The following FSIP2 variants were observed in gnomAD, a reference collection of about 807,000 sequenced individuals.
The protein encoded by FSIP2 is fibrous sheath interacting protein 2.
FSIP2 carries 367 observed loss-of-function variants against 510.5 expected under a neutral mutation model. That is an observed-to-expected ratio of 0.72 (90% CI 0.66 to 0.78). The LOEUF (loss-of-function observed/expected upper bound fraction) is 0.78. Ranked by LOEUF, FSIP2 falls within the 30% of genes least tolerant of loss-of-function variation. The pLI is 0.00. For synonymous variants in FSIP2, 2,601 were observed against 2,732.2 expected (o/e 0.95, Z 1.50); for missense variants, 7,594 against 7,901.7 (o/e 0.96, Z 1.48).
rs1243300979 is a variant in FSIP2, at chr2:185,803,705, A to G, written c.14399A>G (p.Gln4800Arg). 13 of 1,532,870 alleles carry G rather than the reference A, an allele frequency of 8.5e-6. No individual in the cohort carries two copies. The highest frequency in any genetic ancestry group is 1.0e-5 in the Non-Finnish European group (12 of 1,144,714). 95.0% of individuals were successfully genotyped at this position (1,532,870 alleles called of 1,614,324 possible). A position where few individuals can be genotyped will look rare whatever the true frequency, so the allele number is the denominator to read the frequency against. Reference protein sequence around the residue: ...SHSHLEKIVTQLTSQISPLNT... With the variant: ...SHSHLEKIVTRLTSQISPLNT... ...AGTCATTTGGAAAAAATAGTTACTC[A>G]GCTTACATCTCAGATAAGTCCATTG... The change falls in exon 17 of 23, where the codon CAG (glutamine) becomes CGG (arginine). Residue 4800 changes from glutamine (Q) to arginine (R), a missense_variant. Physicochemically the swap from Gln to Arg is conservative, Grantham distance 43. Coordinates refer to ENST00000424728, the MANE Select transcript of FSIP2 (RefSeq NM_173651.4).
intron 14 of FSIP2, among the ~76,000 whole-genome samples, chr2:185,785,594 G>C (rs969445939): frequency 6.6e-6 from 1 of 151,936 alleles, no homozygotes; most frequent in Admixed American, 6.6e-5. Context: ...TTATTTTTAT[G>C]ATTGAGCTAT....
rs201481117 is a variant in FSIP2, at chr2:185,799,957, A to G, written c.10651A>G (p.Ile3551Val). The change falls in exon 17 of 23, where the codon ATT becomes GTT. Residue 3551 changes from isoleucine (I) to valine (V), a missense_variant. Ile to Val is a conservative substitution (Grantham distance 29, BLOSUM62 3). Coordinates refer to ENST00000424728, the MANE Select transcript of FSIP2 (RefSeq NM_173651.4). Reference sequence around the variant, plus strand: ...TTCTCAAGTGTTTGAGAGCAGGTCAATTTCCATTGGAGAACTTGCTTTATG... The same window carrying G: ...TTCTCAAGTGTTTGAGAGCAGGTCAGTTTCCATTGGAGAACTTGCTTTATG... The part of the protein sequence containing the change: ...IHSQVFESRS[I>V]SIGELALCIS... 2.5e-4 allele frequency: 382 copies of G among 1,531,674 alleles called. No individual in the cohort carries two copies. The highest frequency in any genetic ancestry group is 1.4e-3 in the South Asian group (114 of 83,540). The allele number at this position is 1,531,674 out of a possible 1,614,324, so 94.9% of individuals were successfully genotyped here.
chr2:185,795,617 A>G lies in FSIP2; in HGVS notation c.8481A>G (p.Leu2827=), dbSNP rs1431659606. The G allele has an allele frequency of 1.3e-6, 2 of 1,535,094 alleles. No individual in the cohort carries two copies. The highest frequency in any genetic ancestry group is 4.9e-5 in the East Asian group (2 of 40,848). The part of the protein sequence containing the change: ...CFYLENVSSQ[L]EHIFPREGIF... ...ACTTGGAGAATGTTTCTTCACAGCT[A>G]GAGCACATTTTTCCTAGAGAAGGTA... The change falls in exon 16 of 23, where the codon CTA becomes CTG. Residue 2827 remains leucine, a synonymous_variant. Coordinates refer to ENST00000424728, the MANE Select transcript of FSIP2 (RefSeq NM_173651.4).
upstream of FSIP2, among the ~76,000 whole-genome samples, chr2:185,737,809 A>G (rs114007523): frequency 7.6e-3 from 1,156 of 152,310 alleles, 22 homozygotes; most frequent in African/African-American, 0.026. Context: ...CAAATTTAAG[A>G]GTCCTAAGCA....
chr2:185,760,848 G>A (rs893457583), intron 9 of FSIP2, 140 bp from the exon 10 acceptor site: 2 of 482,218 alleles, frequency 4.1e-6, no homozygotes, highest in African/African-American at 4.1e-5. Context: ...CTTGAATGCA[G>A]TGATGGTTTC....
At chr2:185,777,835 A>T (rs1376488262) in intron 13 of FSIP2, among the ~76,000 whole-genome samples, 2 of 152,084 alleles carry the variant, frequency 1.3e-5, no homozygotes, top group Admixed American at 1.3e-4. Context: ...GTATCCTGAT[A>T]CAGTTTTCGT....
At position 185,813,847 on chromosome 2, in the gene FSIP2, A is replaced by G; in HGVS notation, c.20130A>G (p.Lys6710=). The G allele has an allele frequency of 6.2e-7, 1 of 1,613,710 alleles. No individual in the cohort carries two copies. The highest frequency in any genetic ancestry group is 8.5e-7 in the Non-Finnish European group (1 of 1,179,812). ...PKSTLSTSSL[K]KFLSLSKCCQ... is the part of the protein sequence containing the mutation. ...CAACACTAAGCACGAGCAGCCTGAAAAAATTTTTGTCACTAAGTAAATGTT... is the reference window on the plus strand; with the variant it reads ...CAACACTAAGCACGAGCAGCCTGAAGAAATTTTTGTCACTAAGTAAATGTT... The change falls in exon 18 of 23, where the codon AAA becomes AAG. Residue 6710 remains lysine, a synonymous_variant. Transcript: ENST00000424728.
In FSIP2 at chr2:185,833,038, C is replaced by T. The variant is rs1439414806; in HGVS notation, c.20588-52C>T. The T allele has an allele frequency of 1.9e-6, 3 of 1,555,438 alleles. No individual in the cohort carries two copies. The African/African-American group carries it at 4.1e-5, about 21-fold the overall frequency. ...ATATGACCTTAGGCAAGGTATTTTACCTCAGTGTTCAAAAATAAAGATATC... is the reference window on the plus strand; with the variant it reads ...ATATGACCTTAGGCAAGGTATTTTATCTCAGTGTTCAAAAATAAAGATATC... On this transcript the variant is annotated intron_variant, in intron 22 of 22. Coordinates refer to ENST00000424728, the MANE Select transcript of FSIP2 (RefSeq NM_173651.4).
chr2:185,792,239 A>AG lies in FSIP2; in HGVS notation c.5108dup (p.Gly1704ArgfsTer3), dbSNP rs1164471960. On this transcript the variant is annotated frameshift_variant, in exon 16 of 23. Coordinates refer to ENST00000424728, the MANE Select transcript of FSIP2 (RefSeq NM_173651.4). LOFTEE classifies it high-confidence loss of function. ...ATATGTTTAATGAAATGGAATCTGA[A>AG]GGGGGAGGCATTGAAACTTATCGAT... 8 of 1,533,076 alleles carry AG rather than the reference A, an allele frequency of 5.2e-6. No individual in the cohort carries two copies. The highest frequency in any genetic ancestry group is 6.1e-6 in the Non-Finnish European group (7 of 1,145,064). The allele number at this position is 1,533,076 out of a possible 1,614,324, so 95.0% of individuals were successfully genotyped here.
Position 185,797,099 on chromosome 2 carries a change from T to C in FSIP2, c.9963T>C (p.Ile3321=), listed in dbSNP as rs1402385634. The C allele has an allele frequency of 1.3e-6, 2 of 1,535,184 alleles. No homozygotes were observed. Among genetic ancestry groups the C allele is most frequent in the Non-Finnish European group, 1.7e-6 (2 of 1,146,308 alleles). The change falls in exon 16 of 23, where the codon ATT becomes ATC. Residue 3321 remains isoleucine, a synonymous_variant. Transcript: ENST00000424728. ...VVEPNQIQTT[I]SPLKICLAAE... ...AACCAAACCAAATTCAGACAACCATTTCCCCTCTCAAAATATGTTTAGCTG... is the reference window on the plus strand; with the variant it reads ...AACCAAACCAAATTCAGACAACCATCTCCCCTCTCAAAATATGTTTAGCTG...
intron 13 of FSIP2, among the ~76,000 whole-genome samples, chr2:185,781,959 T>C (rs6719591): frequency 0.54 from 82,606 of 151,718 alleles, 22,741 homozygotes; most frequent in South Asian, 0.64. Context: ...TGCCTCAGCA[T>C]CCCCCAGCAG....
At chr2:185,744,017 A>G (rs1691976977) in intron 3 of FSIP2, among the ~76,000 whole-genome samples, 2 of 150,966 alleles carry the variant, frequency 1.3e-5, no homozygotes, top group South Asian at 4.2e-4. Context: ...TTTTTTAGAG[A>G]TGGGGTCTTG....
At chr2:185,821,261 G>C (rs767353437) in intron 19 of FSIP2, among the ~76,000 whole-genome samples, 2 of 151,778 alleles carry the variant, frequency 1.3e-5, no homozygotes, top group African/African-American at 2.4e-5. Flanking sequence ...CTAAACTATA[G>C]TGAACAAATT....
intron 8 of FSIP2, 80 bp downstream of exon 8, chr2:185,753,922 T>A: frequency 3.2e-6 from 3 of 937,444 alleles, no homozygotes; most frequent in Non-Finnish European, 4.4e-6. Flanking sequence ...TAATACTCTG[T>A]GTATTTACAC....
At chr2:185,829,200 C>T (rs1244407588) in intron 21 of FSIP2, among the ~76,000 whole-genome samples, 1 of 151,860 alleles carries the variant, frequency 6.6e-6, no homozygotes, top group Non-Finnish European at 1.5e-5. Flanking sequence ...TGTTCTTTCC[C>T]TCTTTGCTAC....
intron 1 of FSIP2, 140 bp from the exon 2 acceptor site, chr2:185,739,205 GA>G: frequency 8.7e-7 from 1 of 1,147,800 alleles, no homozygotes; most frequent in Non-Finnish European, 1.2e-6. Flanking sequence ...GGTGACCAGG[GA>G]AAACGGGAGG....
chr2:185,799,887 A>T lies in FSIP2; in HGVS notation c.10581A>T (p.Ala3527=). 1 of 1,533,926 alleles carries T rather than the reference A, an allele frequency of 6.5e-7. No individual in the cohort carries two copies. Among genetic ancestry groups the T allele is most frequent in the Non-Finnish European group, 8.7e-7 (1 of 1,145,532 alleles). ...GTKKGREKEK[A]WEIQEATFSK... ...AAAAGGGTAGAGAAAAAGAGAAAGC[A>T]TGGGAAATTCAAGAAGCAACATTTA... Residue 3527 remains alanine, a synonymous_variant, in exon 17 of 23, where the codon GCA becomes GCT. Transcript: ENST00000424728.
At chr2:185,817,300 C>A (rs1693844020) in intron 19 of FSIP2, among the ~76,000 whole-genome samples, 1 of 151,920 alleles carries the variant, frequency 6.6e-6, no homozygotes, top group African/African-American at 2.4e-5. Context: ...GCCTGGAAAC[C>A]ACAGAAAGTA....
chr2:185,791,911 A>C lies in FSIP2; in HGVS notation c.4775A>C (p.Lys1592Thr). Residue 1592 changes from lysine (K) to threonine (T), a missense_variant, in exon 16 of 23, where the codon AAA (lysine) becomes ACA (threonine). Physicochemically the swap from Lys to Thr is moderately conservative, Grantham distance 78. Transcript: ENST00000424728. ...ASDILNMVFA[K>T]LEGFANGHLE... ...GATATTCTTAATATGGTTTTTGCTA[A>C]ACTGGAAGGGTTTGCCAACGGACAT... The C allele has an allele frequency of 6.5e-7, 1 of 1,534,012 alleles. No homozygotes were observed. The highest frequency in any genetic ancestry group is 8.7e-7 in the Non-Finnish European group (1 of 1,145,454).
Sources: allele counts gnomAD v4.1 joint callset (sites outside exome capture counted in the v4.1 genomes callset), GRCh38; gene constraint gnomAD v4.1.1; transcripts MANE v1.5; gene names NCBI Gene and HGNC (gene_info 2026-07-23, HGNC 2026-07-21).